The following FRMD4A variants were observed in gnomAD, a reference collection of about 807,000 sequenced individuals.
FRMD4A encodes FERM domain containing 4A, also known as FERM domain-containing protein 4A.
FRMD4A carries 29 observed loss-of-function variants against 129.1 expected under a neutral mutation model. The observed-to-expected ratio is 0.22, with a 90% CI of 0.17 to 0.31. The LOEUF (loss-of-function observed/expected upper bound fraction) is 0.31, where lower values mean the gene tolerates loss of function less well. FRMD4A is among the 10% of genes least tolerant of loss of function. FRMD4A has a pLI of 1.00. For missense variants in FRMD4A, 1,272 were observed against 1,375.8 expected, an observed-to-expected ratio of 0.92 and a Z score of 1.19; for synonymous variants, 634 against 571.6, an observed-to-expected ratio of 1.11 and a Z score of -1.56.
chr10:13,972,158 A>G, intron 2 of FRMD4A: 7 of 1,051,486 alleles, frequency 6.7e-6, no homozygotes, highest in Non-Finnish European at 8.1e-6. Flanking sequence ...TGGCAGATCA[A>G]ACAGAACTTA....
chr10:13,655,545 TA>T (rs2082068492), intron 22 of FRMD4A: 2 of 98,864 alleles, frequency 2.0e-5, no homozygotes, highest in Admixed American at 1.8e-4. Context: ...CAGTGGACCC[TA>T]ATAAACGTCC....
intron 2 of FRMD4A, among the ~76,000 whole-genome samples, chr10:14,260,812 G>A (rs1447700872): frequency 2.0e-5 from 3 of 152,164 alleles, no homozygotes; most frequent in African/African-American, 7.2e-5. Context: ...AATAAAACAT[G>A]AATATGGGTA....
chr10:14,035,386 T>C (rs933946929), intron 2 of FRMD4A, among the ~76,000 whole-genome samples: 2 of 146,494 alleles, frequency 1.4e-5, no homozygotes, highest in African/African-American at 5.1e-5. Context: ...CACTCCAGCC[T>C]GGGCAACAAA....
chr10:13,922,776 T>TCGA (rs1286063790), intron 2 of FRMD4A, among the ~76,000 whole-genome samples: 1 of 152,194 alleles, frequency 6.6e-6, no homozygotes, highest in Non-Finnish European at 1.5e-5. Context: ...TTTTTTTCTC[T>TCGA]CTCTAGGACA....
intron 6 of FRMD4A, among the ~76,000 whole-genome samples, chr10:13,763,538 A>G (rs1433249197): frequency 6.6e-6 from 1 of 152,194 alleles, no homozygotes; most frequent in East Asian, 1.9e-4. Context: ...TTGGTCAGCA[A>G]CTGTTACACA....
intron 15 of FRMD4A, among the ~76,000 whole-genome samples, chr10:13,679,451 A>AT (rs1465020798): frequency 4.3e-5 from 4 of 93,778 alleles, no homozygotes; most frequent in Non-Finnish European, 8.0e-5. Context: ...AAAAAAAAAA[A>AT]AAAAAAAAAA....
In FRMD4A at chr10:13,660,429, G is replaced by A. The variant is rs765691556; in HGVS notation, c.1785C>T (p.His595=). 1.9e-6 allele frequency: 3 copies of A among 1,614,034 alleles called. No individual in the cohort carries two copies. Among genetic ancestry groups the A allele is most frequent in the East Asian group, 2.2e-5 (1 of 44,886 alleles). ...ACTTGTCATAGTCGTTGCGGTGATA[G>A]TGCATCTGTCGGAGTCCCTCCAGGG... ...PQSLEGLRQM[H]YHRNDYDKSP... is the part of the protein sequence containing the mutation. The change falls in exon 20 of 25, where the codon CAC becomes CAT. Residue 595 remains histidine, a synonymous_variant. Coordinates refer to ENST00000357447, the MANE Select transcript of FRMD4A (RefSeq NM_018027.5).
intron 2 of FRMD4A, among the ~76,000 whole-genome samples, chr10:14,012,882 G>T (rs892953998): frequency 6.6e-6 from 1 of 152,150 alleles, no homozygotes; most frequent in Admixed American, 6.5e-5. Context: ...CCACTTGCTG[G>T]CACTAAATAA....
chr10:13,889,194 C>G (rs535681197), intron 2 of FRMD4A, among the ~76,000 whole-genome samples: 1 of 152,340 alleles, frequency 6.6e-6, no homozygotes, highest in South Asian at 2.1e-4. Context: ...TGGCAAGTCC[C>G]CTCAATATGA....
At chr10:14,223,317 C>G (rs750515125) in intron 2 of FRMD4A, among the ~76,000 whole-genome samples, 1 of 152,190 alleles carries the variant, frequency 6.6e-6, no homozygotes, top group Non-Finnish European at 1.5e-5. Flanking sequence ...GAAAATTCTT[C>G]CTTTCTTCCC....
intron 2 of FRMD4A, among the ~76,000 whole-genome samples, chr10:14,319,591 A>G (rs1164973271): frequency 6.6e-6 from 1 of 152,142 alleles, no homozygotes; most frequent in Non-Finnish European, 1.5e-5. Context: ...AATTAATTCC[A>G]AAGTCGAGGG....
At chr10:13,819,699 C>CTTT (rs769973791) in intron 3 of FRMD4A, among the ~76,000 whole-genome samples, 2 of 131,876 alleles carry the variant, frequency 1.5e-5, no homozygotes, top group African/African-American at 2.9e-5. Flanking sequence ...ATATTGTCTC[C>CTTT]TTTTTTTTTT....
intron 2 of FRMD4A, among the ~76,000 whole-genome samples, chr10:14,328,893 A>C (rs1303649425): frequency 2.0e-5 from 3 of 152,174 alleles, no homozygotes; most frequent in African/African-American, 7.2e-5. Context: ...TTTCTCTGGA[A>C]ACTGACAATT....
Position 13,815,689 on chromosome 10 carries a change from G to A in FRMD4A, c.112-4781C>T, listed in dbSNP as rs868061342. On this transcript the variant is annotated intron_variant, in intron 3 of 24. Transcript: ENST00000357447. ...CTTCCAGGGTGAGAGCCTAAGGATC[G>A]TGCCTCAAGGGCCCTGGCTGAGTGA... Among the ~76,000 whole-genome samples, 38 of 152,262 alleles carry A rather than the reference G, an allele frequency of 2.5e-4. No homozygotes were observed. The Middle Eastern group carries it at 0.014, about 55-fold the overall frequency.
intron 2 of FRMD4A, among the ~76,000 whole-genome samples, chr10:14,170,262 T>TA (rs1280310217): frequency 6.6e-6 from 1 of 152,226 alleles, no homozygotes; most frequent in Non-Finnish European, 1.5e-5. Context: ...GAACTAACTC[T>TA]AGCTCTGTGT....
At chr10:14,115,129 C>T (rs960662336) in intron 2 of FRMD4A, among the ~76,000 whole-genome samples, 1 of 152,334 alleles carries the variant, frequency 6.6e-6, no homozygotes, top group South Asian at 2.1e-4. Flanking sequence ...GAGAGCCTGT[C>T]CCCTGGAAGC....
In FRMD4A at chr10:14,103,665, T is replaced by G. The variant is rs190110159; in HGVS notation, c.45+226393A>C. Reference sequence around the variant, plus strand: ...GAACTGATATCATTAGTGTATTTATTTCAAATATCAGGCTCTCATTAGTAC... The same window carrying G: ...GAACTGATATCATTAGTGTATTTATGTCAAATATCAGGCTCTCATTAGTAC... On this transcript the variant is annotated intron_variant, in intron 2 of 24. Transcript: ENST00000357447. Among the ~76,000 whole-genome samples, 288 of 152,310 alleles carry G rather than the reference T, an allele frequency of 1.9e-3. 1 individual carries two copies. The highest frequency in any genetic ancestry group is 5.1e-3 in the Admixed American group (78 of 15,296).
intron 2 of FRMD4A, among the ~76,000 whole-genome samples, chr10:13,869,541 C>G (rs2094415922): frequency 1.3e-5 from 2 of 152,246 alleles, no homozygotes; most frequent in African/African-American, 4.8e-5. Context: ...CAGATGGACG[C>G]TGAAAGACGC....
intron 2 of FRMD4A, among the ~76,000 whole-genome samples, chr10:14,016,945 C>T (rs940706256): frequency 1.3e-5 from 2 of 152,190 alleles, no homozygotes; most frequent in East Asian, 1.9e-4. Flanking sequence ...CTGTTCAGCT[C>T]GTCATCCACA....
Sources: gnomAD v4.1 joint callset for allele counts (sites outside exome capture counted in the v4.1 genomes callset) on GRCh38, gnomAD v4.1.1 for gene constraint, MANE v1.5 for transcripts, NCBI Gene and HGNC (gene_info 2026-07-23, HGNC 2026-07-21) for gene names.